The following CNTNAP2 variants were observed in gnomAD, a reference collection of about 807,000 sequenced individuals.
CNTNAP2 encodes contactin associated protein 2, also known as contactin-associated protein-like 2.
In CNTNAP2, 98 loss-of-function variants were observed where a neutral mutation model predicts 155.2. That is an observed-to-expected ratio of 0.63 (90% CI 0.54 to 0.75). The LOEUF (loss-of-function observed/expected upper bound fraction) is 0.75. CNTNAP2 is among the 30% of genes least tolerant of loss of function. The pLI, the probability that CNTNAP2 is intolerant of heterozygous loss-of-function variation, is 0.00. For synonymous variants in CNTNAP2, 651 were observed against 631.2 expected (o/e 1.03, Z -0.47); for missense variants, 1,727 against 1,688.1 (o/e 1.02, Z -0.40).
intron 14 of CNTNAP2, among the ~76,000 whole-genome samples, chr7:147,972,154 A>G (rs1041006420): frequency 2.0e-5 from 3 of 152,178 alleles, no homozygotes; most frequent in African/African-American, 7.2e-5. Context: ...ACTTATATCT[A>G]TGAGATATCT....
intron 10 of CNTNAP2, among the ~76,000 whole-genome samples, chr7:147,398,589 C>CTTTTTTTTTTTT (rs58507416): frequency 9.1e-5 from 8 of 87,714 alleles, no homozygotes; most frequent in Admixed American, 1.4e-4. Context: ...ACGATTTGAA[C>CTTTTTTTTTTTT]TTTTTTTTTT....
chr7:146,594,811 C>A (rs979025646), intron 1 of CNTNAP2, among the ~76,000 whole-genome samples: 1 of 152,066 alleles, frequency 6.6e-6, no homozygotes, highest in Non-Finnish European at 1.5e-5. Context: ...TATTTAATGA[C>A]TGGCTCTCAA....
chr7:147,175,318 C>T (rs998606688), intron 8 of CNTNAP2, among the ~76,000 whole-genome samples: 1 of 151,836 alleles, frequency 6.6e-6, no homozygotes, highest in African/African-American at 2.4e-5. Context: ...TCATTTAAAC[C>T]ATTCAGCAGT....
chr7:146,134,524 T>A (rs2116743199), intron 1 of CNTNAP2, among the ~76,000 whole-genome samples: 1 of 151,768 alleles, frequency 6.6e-6, no homozygotes, highest in East Asian at 1.9e-4. Context: ...TTTTACCCAT[T>A]CAGTATGATA....
Position 146,920,345 on chromosome 7 carries a change from C to T in CNTNAP2, c.402+80441C>T, listed in dbSNP as rs193286143. Among the ~76,000 whole-genome samples, 396 of 151,486 alleles carry T rather than the reference C, an allele frequency of 2.6e-3. 1 individual carries two copies. Among genetic ancestry groups the T allele is most frequent in the Non-Finnish European group, 4.4e-3 (299 of 67,924 alleles). ...AGGAGAATCACTTGAAACTGGGATG[C>T]GGAGGTTGCAGTGAGCTGAGATTCC... On this transcript the variant is annotated intron_variant, in intron 3 of 23. Transcript: ENST00000361727.
chr7:148,338,586 A>G (rs1288508110), intron 21 of CNTNAP2, among the ~76,000 whole-genome samples: 1 of 152,022 alleles, frequency 6.6e-6, no homozygotes, highest in African/African-American at 2.4e-5. Context: ...ACTGCTGATG[A>G]ACCAGGAGGC....
At chr7:147,887,091 C>T (rs1275595047) in intron 13 of CNTNAP2, among the ~76,000 whole-genome samples, 1 of 152,170 alleles carries the variant, frequency 6.6e-6, no homozygotes, top group East Asian at 1.9e-4. Context: ...CATGCCTCTC[C>T]CTTGCTTTAA....
chr7:147,935,853 CT>C (rs763615486), intron 14 of CNTNAP2, among the ~76,000 whole-genome samples: 13 of 152,170 alleles, frequency 8.5e-5, no homozygotes, highest in Non-Finnish European at 1.8e-4. Flanking sequence ...TCATTATTTT[CT>C]TCCTCAGTGC....
At chr7:147,469,925 A>G (rs565913766) in intron 10 of CNTNAP2, among the ~76,000 whole-genome samples, 47 of 152,264 alleles carry the variant, frequency 3.1e-4, no homozygotes, top group African/African-American at 1.1e-3. Flanking sequence ...TGTGGGAGAA[A>G]AGCATTCTAG....
chr7:148,242,873 A>T (rs1182285316), intron 20 of CNTNAP2, among the ~76,000 whole-genome samples: 2 of 152,140 alleles, frequency 1.3e-5, no homozygotes, highest in African/African-American at 4.8e-5. Context: ...AATATATTTG[A>T]TTTGCATCCT....
At chr7:147,353,618 C>T (rs1030615646) in intron 9 of CNTNAP2, among the ~76,000 whole-genome samples, 2 of 151,948 alleles carry the variant, frequency 1.3e-5, no homozygotes, top group African/African-American at 2.4e-5. Flanking sequence ...TGTGTGTATG[C>T]GTCTTTAGAG....
At chr7:148,220,149 C>A (rs1167489944) in intron 19 of CNTNAP2, among the ~76,000 whole-genome samples, 1 of 152,238 alleles carries the variant, frequency 6.6e-6, no homozygotes, top group Non-Finnish European at 1.5e-5. Flanking sequence ...GTCGCCCAGG[C>A]CGGAGTGCAG....
At chr7:146,906,130 A>G (rs886355134) in intron 3 of CNTNAP2, among the ~76,000 whole-genome samples, 2 of 152,192 alleles carry the variant, frequency 1.3e-5, no homozygotes, top group African/African-American at 2.4e-5. Context: ...ACTATATCCC[A>G]CACCTGGCTC....
intron 15 of CNTNAP2, among the ~76,000 whole-genome samples, chr7:148,055,993 G>A (rs746051432): frequency 6.6e-6 from 1 of 152,140 alleles, no homozygotes; most frequent in Admixed American, 6.5e-5. Flanking sequence ...GGCTTCTCAT[G>A]AGAACTCTAC....
rs75000076 is a variant in CNTNAP2 at position 147,438,853 on chromosome 7, C to T, written c.1670+43073C>T. Among the ~76,000 whole-genome samples the T allele has an allele frequency of 6.8e-3, 1,038 of 151,708 alleles. 21 individuals carry two copies. Among genetic ancestry groups the T allele is most frequent in the Admixed American group, 0.06 (915 of 15,240 alleles). On this transcript the variant is annotated intron_variant, in intron 10 of 23. Coordinates refer to ENST00000361727, the MANE Select transcript of CNTNAP2 (RefSeq NM_014141.6). The stretch of plus-strand genomic sequence containing the variant: ...GTCTGGGAATTTGTCCATTTTTTTC[C>T]CTAGATTTTTCCAATTTATTGACAT...
intron 13 of CNTNAP2, among the ~76,000 whole-genome samples, chr7:147,855,691 ACTCT>A (rs1764459166): frequency 1.3e-5 from 2 of 152,106 alleles, no homozygotes; most frequent in Non-Finnish European, 2.9e-5. Flanking sequence ...ACTCTCTTTT[ACTCT>A]CTATTTTCCT....
At chr7:146,931,292 C>G (rs1796751197) in intron 3 of CNTNAP2, among the ~76,000 whole-genome samples, 1 of 152,056 alleles carries the variant, frequency 6.6e-6, no homozygotes, top group African/African-American at 2.4e-5. Context: ...TCACTCAAAA[C>G]CGCTCAACTA....
chr7:146,121,095 G>T lies in CNTNAP2; in HGVS notation c.97+4122G>T, dbSNP rs1157227080. 1.2e-3 allele frequency among the ~76,000 whole-genome samples: 142 copies of T among 121,778 alleles called. 1 individual carries two copies. Among genetic ancestry groups the T allele is most frequent in the Non-Finnish European group, 1.5e-3 (88 of 56,868 alleles). The allele number at this position is 121,778 out of a possible 152,430, so 79.9% of individuals were successfully genotyped here. A position where few individuals can be genotyped will look rare whatever the true frequency, so the allele number is the denominator to read the frequency against. ...CTTCTAGACAAAAACTTACTCAAAT[G>T]TCTTAAAGTTTACATAAAGCTTCCT... is the stretch of plus-strand genomic sequence containing the variant. On this transcript the variant is annotated intron_variant, in intron 1 of 23. Coordinates refer to ENST00000361727, the MANE Select transcript of CNTNAP2 (RefSeq NM_014141.6).
At chr7:146,221,282 ATGCAACAATATATAC>A (rs1307308453) in intron 1 of CNTNAP2, among the ~76,000 whole-genome samples, 6 of 152,354 alleles carry the variant, frequency 3.9e-5, no homozygotes, top group South Asian at 2.1e-4. Flanking sequence ...AAGGCTATAT[ATGCAACAATATATAC>A]TGCAACAATA....
Sources: allele counts gnomAD v4.1 joint callset (sites outside exome capture counted in the v4.1 genomes callset), GRCh38; gene constraint gnomAD v4.1.1; transcripts MANE v1.5; gene names NCBI Gene and HGNC (gene_info 2026-07-23, HGNC 2026-07-21).